GRIP1: variants seen among roughly 807,000 people sequenced by gnomAD.
GRIP1 encodes the protein glutamate receptor interacting protein 1, also known as glutamate receptor-interacting protein 1.
A neutral mutation model predicts 129.9 loss-of-function variants in GRIP1; 45 were observed. That is an observed-to-expected ratio of 0.35 (90% confidence interval 0.27 to 0.44). The LOEUF (loss-of-function observed/expected upper bound fraction) is 0.44. GRIP1 is among the 20% of genes least tolerant of loss of function. GRIP1 has a pLI of 1.00. For synonymous variants in GRIP1, 530 were observed against 520.8 expected, an observed-to-expected ratio of 1.02 and a Z score of -0.24; for missense variants, 1,196 against 1,396.8, an observed-to-expected ratio of 0.86 and a Z score of 2.29.
At chr12:66,958,238 C>A (rs1157136759) in intron 1 of GRIP1, among the ~76,000 whole-genome samples, 2 of 152,148 alleles carry the variant, frequency 1.3e-5, no homozygotes, top group Admixed American at 1.3e-4. Context: ...CTTCTGGGCT[C>A]AAGTGATCCT....
intron 23 of GRIP1, among the ~76,000 whole-genome samples, chr12:66,368,732 C>T (rs2055296552): frequency 6.6e-6 from 1 of 152,216 alleles, no homozygotes; most frequent in Non-Finnish European, 1.5e-5. Context: ...GAGCTCCATT[C>T]CTTTAACAAG....
intron 2 of GRIP1, among the ~76,000 whole-genome samples, chr12:66,560,631 A>G (rs1369230293): frequency 6.6e-6 from 1 of 152,080 alleles, no homozygotes; most frequent in Non-Finnish European, 1.5e-5. Flanking sequence ...AATTAAATAT[A>G]ATAACATCTC....
chr12:66,969,442 CT>C (rs1393634658), intron 1 of GRIP1, among the ~76,000 whole-genome samples: 1 of 152,280 alleles, frequency 6.6e-6, no homozygotes, highest in East Asian at 1.9e-4. Context: ...CAGTCTCACT[CT>C]ATCAAGCAGC....
intron 1 of GRIP1, among the ~76,000 whole-genome samples, chr12:66,935,959 G>A (rs1010103412): frequency 6.6e-6 from 1 of 152,148 alleles, no homozygotes; most frequent in Non-Finnish European, 1.5e-5. Flanking sequence ...TTCAAATATA[G>A]AAGTACAGAG....
intron 1 of GRIP1, among the ~76,000 whole-genome samples, chr12:67,068,530 C>T (rs1247307477): frequency 1.3e-5 from 2 of 152,082 alleles, no homozygotes; most frequent in Non-Finnish European, 2.9e-5. Flanking sequence ...TACGCTCTTC[C>T]TTCTCCTCTT....
intron 24 of GRIP1, 107 bp downstream of exon 24, chr12:66,353,310 G>C (rs2054323815): frequency 2.4e-6 from 2 of 821,370 alleles, no homozygotes. Context: ...TGATGACAAA[G>C]GCTGAAAGGG....
At chr12:66,739,607 G>C (rs1480976959) in intron 1 of GRIP1, among the ~76,000 whole-genome samples, 1 of 152,048 alleles carries the variant, frequency 6.6e-6, no homozygotes, top group Admixed American at 6.6e-5. Context: ...GAGAGGGAGA[G>C]CATCAGGATA....
intron 1 of GRIP1, among the ~76,000 whole-genome samples, chr12:66,816,265 G>A (rs1192807018): frequency 6.6e-6 from 1 of 152,048 alleles, no homozygotes; most frequent in Non-Finnish European, 1.5e-5. Flanking sequence ...TTACTTTATT[G>A]CAGCACTATT....
At chr12:66,461,086 CA>C (rs1185798985) in intron 9 of GRIP1, among the ~76,000 whole-genome samples, 1 of 152,026 alleles carries the variant, frequency 6.6e-6, no homozygotes, top group East Asian at 1.9e-4. Flanking sequence ...AGGTTTTCCA[CA>C]ATAAAGGCAA....
At chr12:66,823,211 T>G (rs2039350897) in intron 1 of GRIP1, among the ~76,000 whole-genome samples, 1 of 152,174 alleles carries the variant, frequency 6.6e-6, no homozygotes, top group Non-Finnish European at 1.5e-5. Context: ...AATTATCTGA[T>G]TACATAATCC....
intron 1 of GRIP1, among the ~76,000 whole-genome samples, chr12:66,618,477 C>T (rs2065135968): frequency 6.6e-6 from 1 of 151,892 alleles, no homozygotes; most frequent in African/African-American, 2.4e-5. Flanking sequence ...ATGTTTTGAG[C>T]TTTGAATCAT....
intron 5 of GRIP1, among the ~76,000 whole-genome samples, chr12:66,521,286 A>G (rs1244300506): frequency 1.3e-5 from 2 of 152,252 alleles, no homozygotes; most frequent in African/African-American, 4.8e-5. Context: ...TGATTTGTTA[A>G]GTGACTGGCA....
intron 2 of GRIP1, among the ~76,000 whole-genome samples, chr12:66,594,228 G>A (rs537098692): frequency 5.7e-4 from 87 of 152,048 alleles, no homozygotes; most frequent in African/African-American, 2.0e-3. Context: ...TCTCCTTTAG[G>A]GCTTCTTTTC....
intron 1 of GRIP1, among the ~76,000 whole-genome samples, chr12:66,800,961 T>C (rs1340623432): frequency 1.3e-5 from 2 of 152,132 alleles, no homozygotes; most frequent in Non-Finnish European, 1.5e-5. Context: ...TGATAGATTA[T>C]GACCCTAAAG....
At chr12:66,762,142 TTA>T (rs1350420235) in intron 1 of GRIP1, among the ~76,000 whole-genome samples, 1 of 152,220 alleles carries the variant, frequency 6.6e-6, no homozygotes, top group Non-Finnish European at 1.5e-5. Flanking sequence ...CTTCCCATGA[TTA>T]TGACATTCAA....
chr12:66,945,568 G>T (rs956543421), intron 1 of GRIP1, among the ~76,000 whole-genome samples: 1 of 151,986 alleles, frequency 6.6e-6, no homozygotes, highest in South Asian at 2.1e-4. Context: ...AAGAGAGTGG[G>T]AGGGGGTGGG....
chr12:66,917,919 A>G (rs936085379), intron 1 of GRIP1, among the ~76,000 whole-genome samples: 1 of 151,662 alleles, frequency 6.6e-6, no homozygotes, highest in East Asian at 1.9e-4. Context: ...GAGTTTTCCA[A>G]AGCAAGAGAA....
chr12:66,402,088 T>G (rs1231758192), intron 16 of GRIP1, among the ~76,000 whole-genome samples: 1 of 152,210 alleles, frequency 6.6e-6, no homozygotes, highest in Non-Finnish European at 1.5e-5. Context: ...GAGCCATATC[T>G]GCCTACTAGA....
At chr12:66,875,870 G>A (rs985973104) in intron 1 of GRIP1, among the ~76,000 whole-genome samples, 1 of 152,028 alleles carries the variant, frequency 6.6e-6, no homozygotes, top group African/African-American at 2.4e-5. Context: ...TGCTACTAAA[G>A]AAATCATTAA....
Sources: gnomAD v4.1 joint callset for allele counts (sites outside exome capture counted in the v4.1 genomes callset) on GRCh38, gnomAD v4.1.1 for gene constraint, MANE v1.5 for transcripts, NCBI Gene and HGNC (gene_info 2026-07-23, HGNC 2026-07-21) for gene names.